The following PTPN4 variants were observed in gnomAD, a reference collection of about 807,000 sequenced individuals.
PTPN4 encodes tyrosine-protein phosphatase non-receptor type 4.
Under a neutral mutation model 135.5 loss-of-function variants are expected in PTPN4, and 49 were observed. The ratio of observed to expected loss-of-function variants is 0.36; its 90% CI spans 0.29 to 0.46. The LOEUF (loss-of-function observed/expected upper bound fraction) is 0.46, where lower values mean the gene tolerates loss of function less well. PTPN4 is among the 20% of genes least tolerant of loss of function. The pLI is 1.00. For synonymous variants in PTPN4, 333 were observed against 369.9 expected (o/e 0.90, Z 1.14); for missense variants, 860 against 1,101.0 (o/e 0.78, Z 3.10).
At chr2:119,930,852 G>A (rs1678895133) in intron 13 of PTPN4, among the ~76,000 whole-genome samples, 1 of 150,350 alleles carries the variant, frequency 6.7e-6, no homozygotes, top group Non-Finnish European at 1.5e-5. Flanking sequence ...TAGCCATACA[G>A]AAGTGTATAC....
At chr2:119,905,363 TA>T (rs1041043627) in intron 10 of PTPN4, among the ~76,000 whole-genome samples, 2 of 152,070 alleles carry the variant, frequency 1.3e-5, no homozygotes, top group African/African-American at 4.8e-5. Context: ...ATATACTTTG[TA>T]AAAAACCATA....
At chr2:119,906,416 G>A (rs1365871254) in intron 10 of PTPN4, among the ~76,000 whole-genome samples, 1 of 152,044 alleles carries the variant, frequency 6.6e-6, no homozygotes, top group Non-Finnish European at 1.5e-5. Context: ...TACTAGCAAA[G>A]CAAATTCAAT....
intron 26 of PTPN4, among the ~76,000 whole-genome samples, chr2:119,970,152 C>T (rs557500867): frequency 2.6e-5 from 4 of 152,050 alleles, no homozygotes; most frequent in South Asian, 2.1e-4. Flanking sequence ...CTCCGCCTTC[C>T]GGGTTCAAGC....
chr2:119,887,877 T>A (rs1678182345), intron 9 of PTPN4, among the ~76,000 whole-genome samples: 1 of 152,180 alleles, frequency 6.6e-6, no homozygotes, highest in African/African-American at 2.4e-5. Context: ...CTATATTAAT[T>A]TTAGGATTGT....
At chr2:119,797,808 A>C (rs942128996) in intron 1 of PTPN4, among the ~76,000 whole-genome samples, 1 of 152,190 alleles carries the variant, frequency 6.6e-6, no homozygotes, top group African/African-American at 2.4e-5. Flanking sequence ...CGTTAACAGA[A>C]TTTTAAATAT....
At chr2:119,928,399 A>G (rs974008825) in intron 13 of PTPN4, among the ~76,000 whole-genome samples, 3 of 152,284 alleles carry the variant, frequency 2.0e-5, no homozygotes, top group East Asian at 3.9e-4. Flanking sequence ...ATAGTTTATT[A>G]CATTATGAAT....
At chr2:119,937,107 C>T (rs768840251) in intron 15 of PTPN4, among the ~76,000 whole-genome samples, 3 of 152,146 alleles carry the variant, frequency 2.0e-5, no homozygotes, top group Non-Finnish European at 2.9e-5. Context: ...TCCCAATTTA[C>T]AGAACAGAAA....
chr2:119,880,780 A>G (rs1315651047), intron 5 of PTPN4, among the ~76,000 whole-genome samples: 5 of 152,032 alleles, frequency 3.3e-5, no homozygotes, highest in Non-Finnish European at 7.4e-5. Context: ...TATATTTATA[A>G]TATTATGCAC....
At chr2:119,934,192 A>G (rs922714482) in intron 14 of PTPN4, among the ~76,000 whole-genome samples, 4 of 152,204 alleles carry the variant, frequency 2.6e-5, no homozygotes, top group African/African-American at 9.6e-5. Flanking sequence ...AACTTGGGCA[A>G]GTTAATCTCT....
At chr2:119,844,582 G>C (rs978776081) in intron 2 of PTPN4, among the ~76,000 whole-genome samples, 20 of 149,432 alleles carry the variant, frequency 1.3e-4, no homozygotes, top group Non-Finnish European at 1.9e-4. Context: ...ACGGGGTCTC[G>C]GCCGGGCAGA....
intron 1 of PTPN4, among the ~76,000 whole-genome samples, chr2:119,792,076 G>A (rs1220506890): frequency 1.3e-5 from 2 of 151,938 alleles, no homozygotes; most frequent in African/African-American, 4.8e-5. Context: ...CTGTCTGTTC[G>A]AATCTGCTGT....
intron 24 of PTPN4, 141 bp downstream of exon 24, chr2:119,962,885 C>A: frequency 3.1e-6 from 2 of 649,290 alleles, no homozygotes; most frequent in Non-Finnish European, 4.5e-6. Context: ...TAATGGGGTA[C>A]TTTGGAATTT....
intron 1 of PTPN4, among the ~76,000 whole-genome samples, chr2:119,807,368 G>A (rs1691492788): frequency 6.6e-6 from 1 of 152,026 alleles, no homozygotes. Context: ...GAATCGAATA[G>A]ACGCAATAAA....
chr2:119,788,750 C>A (rs1691088368), intron 1 of PTPN4, among the ~76,000 whole-genome samples: 1 of 152,140 alleles, frequency 6.6e-6, no homozygotes, highest in African/African-American at 2.4e-5. Context: ...TAGCATGTGT[C>A]AGAATTGCCT....
intron 14 of PTPN4, among the ~76,000 whole-genome samples, chr2:119,934,415 C>T (rs963911285): frequency 4.6e-5 from 7 of 152,054 alleles, no homozygotes; most frequent in African/African-American, 1.7e-4. Context: ...CAAAGAAAGT[C>T]CCATAAATAA....
chr2:119,814,400 T>C (rs909767639), intron 2 of PTPN4, among the ~76,000 whole-genome samples: 1 of 152,164 alleles, frequency 6.6e-6, no homozygotes, highest in Non-Finnish European at 1.5e-5. Context: ...CCAGTTCCTA[T>C]GGTGATTGGC....
intron 9 of PTPN4, among the ~76,000 whole-genome samples, chr2:119,888,346 C>T (rs531930759): frequency 1.3e-5 from 2 of 152,232 alleles, no homozygotes; most frequent in African/African-American, 4.8e-5. Context: ...CCTTCTTTCT[C>T]TTGCCTGAGT....
intron 16 of PTPN4, 108 bp downstream of exon 16, chr2:119,945,348 C>T (rs1190848781): frequency 2.1e-6 from 2 of 966,350 alleles, no homozygotes; most frequent in Non-Finnish European, 2.9e-6. Flanking sequence ...ATTACAGTAC[C>T]TTCTCTTTTT....
chr2:119,789,791 C>T (rs549460556), intron 1 of PTPN4, among the ~76,000 whole-genome samples: 9 of 151,884 alleles, frequency 5.9e-5, no homozygotes, highest in Non-Finnish European at 7.4e-5. Flanking sequence ...GGTGTGATCT[C>T]GGCTCAGTGC....
Sources: gnomAD v4.1 joint callset for allele counts (sites outside exome capture counted in the v4.1 genomes callset) on GRCh38, gnomAD v4.1.1 for gene constraint, MANE v1.5 for transcripts, NCBI Gene and HGNC (gene_info 2026-07-23, HGNC 2026-07-21) for gene names.